EFNA5: variants seen among roughly 807,000 people sequenced by gnomAD.
The protein encoded by EFNA5 is ephrin A5.
In EFNA5, 5 loss-of-function variants were observed where a neutral mutation model predicts 22.9. That is an observed-to-expected ratio of 0.22 (90% CI 0.11 to 0.46). The LOEUF is 0.46. Ranked by LOEUF, EFNA5 falls within the 20% of genes least tolerant of loss-of-function variation. The probability of loss-of-function intolerance (pLI) is 0.99; values close to 1 mark genes in which losing one functional copy is unlikely to be tolerated. For synonymous variants in EFNA5, 113 were observed against 112.2 expected (o/e 1.01, Z -0.04); for missense variants, 237 against 293.3 (o/e 0.81, Z 1.40).
At chr5:107,429,365 G>A (rs772600817) in intron 1 of EFNA5, among the ~76,000 whole-genome samples, 1 of 152,186 alleles carries the variant, frequency 6.6e-6, no homozygotes, top group Non-Finnish European at 1.5e-5. Flanking sequence ...AGAATGGCAC[G>A]AACCTGGAAG....
chr5:107,584,527 T>C (rs1461097506), intron 1 of EFNA5, among the ~76,000 whole-genome samples: 2 of 152,252 alleles, frequency 1.3e-5, no homozygotes, highest in African/African-American at 4.8e-5. Context: ...TGGACATTTC[T>C]CTCTCAAATA....
intron 1 of EFNA5, among the ~76,000 whole-genome samples, chr5:107,460,240 C>G (rs936714238): frequency 6.6e-6 from 1 of 152,092 alleles, no homozygotes; most frequent in African/African-American, 2.4e-5. Context: ...ATGCCATCCT[C>G]ATATTGATGA....
chr5:107,622,884 G>A (rs1167011693), intron 1 of EFNA5, among the ~76,000 whole-genome samples: 6 of 151,086 alleles, frequency 4.0e-5, no homozygotes, highest in African/African-American at 1.5e-4. Context: ...AGCCGGGCGC[G>A]GTGGCGGGCG....
intron 1 of EFNA5, among the ~76,000 whole-genome samples, chr5:107,536,130 C>T (rs1747924076): frequency 6.6e-6 from 1 of 152,218 alleles, no homozygotes; most frequent in Admixed American, 6.5e-5. Context: ...TCTAATAAGA[C>T]TCAGATGACA....
chr5:107,453,476 A>G (rs1561392994), intron 1 of EFNA5, among the ~76,000 whole-genome samples: 1 of 152,186 alleles, frequency 6.6e-6, no homozygotes, highest in Non-Finnish European at 1.5e-5. Context: ...TTTCTTATGC[A>G]CTCTATGTAT....
intron 1 of EFNA5, among the ~76,000 whole-genome samples, chr5:107,655,756 C>A (rs1355991968): frequency 6.6e-6 from 1 of 152,118 alleles, no homozygotes; most frequent in Non-Finnish European, 1.5e-5. Context: ...AACCACCTGA[C>A]AATGCTATAG....
chr5:107,437,833 A>G (rs1045470741), intron 1 of EFNA5, among the ~76,000 whole-genome samples: 3 of 152,220 alleles, frequency 2.0e-5, no homozygotes, highest in Non-Finnish European at 4.4e-5. Flanking sequence ...AACAAAGGTC[A>G]AGATCAGGAA....
chr5:107,517,380 C>T (rs1254953419), intron 1 of EFNA5, among the ~76,000 whole-genome samples: 1 of 152,212 alleles, frequency 6.6e-6, no homozygotes, highest in Non-Finnish European at 1.5e-5. Flanking sequence ...CCGGGCCAGA[C>T]TGCCTAGGTC....
chr5:107,469,494 C>G (rs796673421), intron 1 of EFNA5, among the ~76,000 whole-genome samples: 63 of 152,110 alleles, frequency 4.1e-4, no homozygotes, highest in African/African-American at 1.5e-3. Flanking sequence ...ACAGGCAGTT[C>G]AGTATATTGT....
intron 1 of EFNA5, among the ~76,000 whole-genome samples, chr5:107,571,567 T>G (rs1266958052): frequency 6.6e-6 from 1 of 151,532 alleles, no homozygotes; most frequent in African/African-American, 2.4e-5. Context: ...AATAAAATGC[T>G]AATGGCATAG....
chr5:107,636,288 A>G (rs1324378803), intron 1 of EFNA5, among the ~76,000 whole-genome samples: 3 of 152,196 alleles, frequency 2.0e-5, no homozygotes, highest in Non-Finnish European at 2.9e-5. Context: ...CATAACTTCA[A>G]TCCCCTCCCC....
At chr5:107,400,699 G>A (rs978389670) in intron 2 of EFNA5, among the ~76,000 whole-genome samples, 8 of 152,178 alleles carry the variant, frequency 5.3e-5, no homozygotes, top group South Asian at 2.1e-4. Flanking sequence ...AACTGAATTA[G>A]CCAGAAATAT....
At chr5:107,631,497 A>G (rs1021788219) in intron 1 of EFNA5, among the ~76,000 whole-genome samples, 1 of 152,082 alleles carries the variant, frequency 6.6e-6, no homozygotes, top group African/African-American at 2.4e-5. Flanking sequence ...TTGAGCAAAT[A>G]GTTTTTCTGG....
chr5:107,424,647 T>C (rs1748762743), intron 2 of EFNA5, among the ~76,000 whole-genome samples: 2 of 152,138 alleles, frequency 1.3e-5, no homozygotes, highest in South Asian at 4.1e-4. Context: ...AGATCAGCAA[T>C]AGAGCATCTT....
chr5:107,553,241 A>C (rs1231598341), intron 1 of EFNA5, among the ~76,000 whole-genome samples: 1 of 152,198 alleles, frequency 6.6e-6, no homozygotes, highest in East Asian at 1.9e-4. Flanking sequence ...CATGACTAAC[A>C]ATGGGACGAG....
chr5:107,635,030 G>A (rs180953216), intron 1 of EFNA5, among the ~76,000 whole-genome samples: 23 of 152,202 alleles, frequency 1.5e-4, no homozygotes, highest in African/African-American at 5.5e-4. Flanking sequence ...TTAATTCTTA[G>A]TCTACATGAG....
At chr5:107,493,323 CTA>C (rs1247338557) in intron 1 of EFNA5, among the ~76,000 whole-genome samples, 2 of 151,562 alleles carry the variant, frequency 1.3e-5, no homozygotes. Context: ...TATTTTATCT[CTA>C]GAGTTGTTAT....
intron 2 of EFNA5, among the ~76,000 whole-genome samples, chr5:107,404,871 A>T (rs1437921534): frequency 6.6e-6 from 1 of 152,246 alleles, no homozygotes; most frequent in African/African-American, 2.4e-5. Flanking sequence ...ACAGATTTCA[A>T]TAAAAAAGCT....
chr5:107,669,253 G>A (rs1055637152), intron 1 of EFNA5, among the ~76,000 whole-genome samples: 3 of 151,588 alleles, frequency 2.0e-5, no homozygotes, highest in African/African-American at 4.9e-5. Context: ...CCCGGGGCGC[G>A]CACCAACTCT....
Sources: allele counts gnomAD v4.1 joint callset (sites outside exome capture counted in the v4.1 genomes callset), GRCh38; gene constraint gnomAD v4.1.1; transcripts MANE v1.5; gene names NCBI Gene and HGNC (gene_info 2026-07-23, HGNC 2026-07-21).